The following SLC22A9 variants were observed in gnomAD, a reference collection of about 807,000 sequenced individuals.
SLC22A9 encodes the protein organic anion transporter 7.
SLC22A9 carries 64 observed loss-of-function variants against 50.1 expected under a neutral mutation model. That is an observed-to-expected ratio of 1.28 (90% CI 1.04 to 1.57). The LOEUF is 1.57. SLC22A9 is among the 40% of genes most tolerant of loss of function. The pLI is 0.00. For missense variants in SLC22A9, 757 were observed against 676.1 expected, an observed-to-expected ratio of 1.12 and a Z score of -1.33; for synonymous variants, 261 against 242.5, an observed-to-expected ratio of 1.08 and a Z score of -0.71.
Position 63,374,039 on chromosome 11 carries a change from C to A in SLC22A9, c.807C>A (p.Tyr269Ter). 6.2e-7 allele frequency: 1 copy of A among 1,610,436 alleles called. No homozygotes were observed. Among genetic ancestry groups the A allele is most frequent in the Non-Finnish European group, 8.5e-7 (1 of 1,178,844 alleles). Residue 269 changes from tyrosine (Y) to a stop codon, truncating the protein, a stop_gained, in exon 4 of 10, where the codon TAC becomes TAA. Coordinates refer to ENST00000279178, the MANE Select transcript of SLC22A9 (RefSeq NM_080866.3). LOFTEE classifies it high-confidence loss of function. ...HILQLVVSVP[Y>*]FVIFLTSSWL... ...TCCAGCTGGTGGTGTCTGTACCATACTTTGTGATCTTTCTGACCTCAAGGT... is the reference window on the plus strand; with the variant it reads ...TCCAGCTGGTGGTGTCTGTACCATAATTTGTGATCTTTCTGACCTCAAGGT...
At chr11:63,401,735 A>T (rs990240773) in intron 6 of SLC22A9, among the ~76,000 whole-genome samples, 1 of 152,114 alleles carries the variant, frequency 6.6e-6, no homozygotes. Flanking sequence ...GCAGTCTACT[A>T]GTGTTCCCTT....
chr11:63,384,608 G>C (rs1050133298), intron 6 of SLC22A9, among the ~76,000 whole-genome samples: 5 of 152,124 alleles, frequency 3.3e-5, no homozygotes, highest in Non-Finnish European at 7.4e-5. Context: ...ATGTACGTGT[G>C]CAAGTATCTT....
intron 6 of SLC22A9, among the ~76,000 whole-genome samples, chr11:63,383,924 C>G (rs1591017721): frequency 6.6e-6 from 1 of 152,024 alleles, no homozygotes; most frequent in East Asian, 1.9e-4. Context: ...TGGTGCACGC[C>G]TGTAGTCCCA....
At chr11:63,389,730 G>T (rs936191413) in intron 6 of SLC22A9, among the ~76,000 whole-genome samples, 2 of 152,022 alleles carry the variant, frequency 1.3e-5, no homozygotes, top group Non-Finnish European at 2.9e-5. Context: ...TGGTATTTCT[G>T]GTTCCAGATC....
At chr11:63,377,753 A>C (rs2014489302) in intron 5 of SLC22A9, among the ~76,000 whole-genome samples, 1 of 152,120 alleles carries the variant, frequency 6.6e-6, no homozygotes, top group South Asian at 2.1e-4. Context: ...CATATCAACA[A>C]AACCAAAGAT....
At position 63,385,117 on chromosome 11, in the gene SLC22A9, T is replaced by G. The variant is rs115563062; in HGVS notation, c.1073+2840T>G. Among the ~76,000 whole-genome samples the G allele has an allele frequency of 8.4e-3, 1,237 of 147,286 alleles. 14 individuals carry two copies. The highest frequency in any genetic ancestry group is 0.018 in the African/African-American group (711 of 40,304). On this transcript the variant is annotated intron_variant, in intron 6 of 9. Coordinates refer to ENST00000279178, the MANE Select transcript of SLC22A9 (RefSeq NM_080866.3). ...ACTCTGATGATACAGTTTTTTTTTT[T>G]TTTTTTTTTTGCTGTGCAGAAGCTC...
intron 6 of SLC22A9, among the ~76,000 whole-genome samples, chr11:63,403,465 C>A (rs1216884446): frequency 6.6e-6 from 1 of 152,052 alleles, no homozygotes; most frequent in Admixed American, 6.6e-5. Flanking sequence ...ATTATTATTT[C>A]CAAAGGGAAA....
intron 6 of SLC22A9, among the ~76,000 whole-genome samples, chr11:63,389,887 G>A (rs1450854009): frequency 6.6e-6 from 1 of 152,198 alleles, no homozygotes; most frequent in Non-Finnish European, 1.5e-5. Context: ...ACTGGCATGA[G>A]ATGGTATCTC....
chr11:63,405,129 T>C (rs1012755297), intron 6 of SLC22A9, among the ~76,000 whole-genome samples: 1 of 151,784 alleles, frequency 6.6e-6, no homozygotes, highest in African/African-American at 2.4e-5. Context: ...ATAACAATAA[T>C]AATAATAATA....
At chr11:63,391,934 G>A (rs944984313) in intron 6 of SLC22A9, among the ~76,000 whole-genome samples, 4 of 151,858 alleles carry the variant, frequency 2.6e-5, no homozygotes, top group African/African-American at 9.7e-5. Context: ...ACTGTCATTG[G>A]TGATATGTTT....
At chr11:63,408,428 C>G (rs551962410) in intron 8 of SLC22A9, among the ~76,000 whole-genome samples, 8 of 152,180 alleles carry the variant, frequency 5.3e-5, no homozygotes, top group Admixed American at 4.6e-4. Context: ...TCCCACATAA[C>G]CTTCTGAGCC....
chr11:63,373,007 C>G (rs1465626006), intron 2 of SLC22A9, among the ~76,000 whole-genome samples: 2 of 152,136 alleles, frequency 1.3e-5, no homozygotes, highest in African/African-American at 4.8e-5. Context: ...ATGCCAATGA[C>G]ATTGGTGAGA....
intron 6 of SLC22A9, among the ~76,000 whole-genome samples, chr11:63,392,954 T>A (rs2014790003): frequency 6.6e-6 from 1 of 152,188 alleles, no homozygotes; most frequent in African/African-American, 2.4e-5. Flanking sequence ...TGCATAGTCT[T>A]GCTTTGGCCA....
intron 6 of SLC22A9, among the ~76,000 whole-genome samples, chr11:63,384,846 C>A (rs985769355): frequency 1.3e-5 from 2 of 151,844 alleles, no homozygotes; most frequent in Non-Finnish European, 2.9e-5. Context: ...TGGTGTGAGA[C>A]GGTATGTTAT....
At chr11:63,398,189 A>G (rs2014893004) in intron 6 of SLC22A9, among the ~76,000 whole-genome samples, 1 of 152,124 alleles carries the variant, frequency 6.6e-6, no homozygotes, top group Non-Finnish European at 1.5e-5. Context: ...TCTGGGAGCT[A>G]CATCCTAGAA....
chr11:63,409,778 T>C, intron 9 of SLC22A9, 24 bp from the exon 10 acceptor site: 1 of 1,601,424 alleles, frequency 6.2e-7, no homozygotes. Flanking sequence ...TGATTTTTTG[T>C]TGGTTTCTTT....
intron 6 of SLC22A9, among the ~76,000 whole-genome samples, chr11:63,391,564 C>T (rs866421653): frequency 5.6e-4 from 85 of 151,970 alleles, no homozygotes; most frequent in African/African-American, 2.0e-3. Flanking sequence ...TATATAATTA[C>T]CTTCTTTGTC....
chr11:63,379,162 A>G (rs909332321), intron 5 of SLC22A9, among the ~76,000 whole-genome samples: 2 of 152,204 alleles, frequency 1.3e-5, no homozygotes, highest in African/African-American at 2.4e-5. Flanking sequence ...GTACTGGTAC[A>G]AAGACAGAAA....
chr11:63,376,304 AGT>A (rs1353911311), intron 5 of SLC22A9, among the ~76,000 whole-genome samples: 2 of 152,094 alleles, frequency 1.3e-5, no homozygotes, highest in Non-Finnish European at 2.9e-5. Context: ...ATTTGTCTGG[AGT>A]TTCATTATAC....
Sources: allele counts gnomAD v4.1 joint callset (sites outside exome capture counted in the v4.1 genomes callset), GRCh38; gene constraint gnomAD v4.1.1; transcripts MANE v1.5; gene names NCBI Gene and HGNC (gene_info 2026-07-23, HGNC 2026-07-21).